GRXCR1: variants seen among roughly 807,000 people sequenced by gnomAD.
The protein encoded by GRXCR1 is glutaredoxin domain-containing cysteine-rich protein 1.
In GRXCR1, 27 loss-of-function variants were observed where a neutral mutation model predicts 27.3. The ratio of observed to expected loss-of-function variants is 0.99; its 90% CI spans 0.73 to 1.37. GRXCR1 has a LOEUF of 1.37. GRXCR1 is among the 40% of genes most tolerant of loss of function. GRXCR1 has a pLI of 0.00. For synonymous variants in GRXCR1, 122 were observed against 131.1 expected, an observed-to-expected ratio of 0.93 and a Z score of 0.47; for missense variants, 379 against 354.4, an observed-to-expected ratio of 1.07 and a Z score of -0.56.
At chr4:42,955,999 C>T (rs767783075) in intron 1 of GRXCR1, among the ~76,000 whole-genome samples, 6 of 152,020 alleles carry the variant, frequency 3.9e-5, no homozygotes, top group Non-Finnish European at 8.8e-5. Context: ...GGAAGCTCCA[C>T]AATTGTCCCA....
chr4:42,950,249 A>T (rs929006992), intron 1 of GRXCR1, among the ~76,000 whole-genome samples: 1 of 152,178 alleles, frequency 6.6e-6, no homozygotes, highest in Non-Finnish European at 1.5e-5. Flanking sequence ...CTCTGATGCC[A>T]TTGTTCAATA....
At chr4:42,925,859 T>C (rs1432462908) in intron 1 of GRXCR1, among the ~76,000 whole-genome samples, 1 of 151,978 alleles carries the variant, frequency 6.6e-6, no homozygotes, top group Non-Finnish European at 1.5e-5. Context: ...AGATCAGACA[T>C]AAGGCCGAGT....
intron 1 of GRXCR1, among the ~76,000 whole-genome samples, chr4:42,931,664 G>T (rs1052979036): frequency 6.6e-6 from 1 of 151,758 alleles, no homozygotes; most frequent in African/African-American, 2.4e-5. Flanking sequence ...CGTATACGTT[G>T]TGAAGTGGCT....
intron 3 of GRXCR1, among the ~76,000 whole-genome samples, chr4:43,023,228 C>A (rs1218541071): frequency 6.6e-6 from 1 of 152,132 alleles, no homozygotes; most frequent in African/African-American, 2.4e-5. Flanking sequence ...TAACACTAGA[C>A]ATATCCTGGC....
rs1263598203 is a variant in GRXCR1 at position 42,906,685 on chromosome 4, G to A, written c.384+13035G>A. Among the ~76,000 whole-genome samples, 6 of 152,262 alleles carry A rather than the reference G, an allele frequency of 3.9e-5. No homozygotes were observed. The East Asian group carries it at 1.2e-3, about 29-fold the overall frequency. ...TTTTTATTTTTGAACTATTTAAGAG[G>A]ATACTAGTAGTATTAGCAATACAAG... On this transcript the variant is annotated intron_variant, in intron 1 of 3. Transcript: ENST00000399770.
chr4:42,924,558 T>G (rs937102724), intron 1 of GRXCR1, among the ~76,000 whole-genome samples: 1 of 152,066 alleles, frequency 6.6e-6, no homozygotes, highest in Non-Finnish European at 1.5e-5. Flanking sequence ...AGTCACAATT[T>G]CCTTCTCTCC....
intron 2 of GRXCR1, among the ~76,000 whole-genome samples, chr4:42,977,922 C>A (rs1748562310): frequency 6.6e-6 from 1 of 151,908 alleles, no homozygotes; most frequent in Non-Finnish European, 1.5e-5. Flanking sequence ...CTGCTAGCAG[C>A]TTCATAGTTT....
At chr4:42,986,065 T>G (rs894961295) in intron 2 of GRXCR1, among the ~76,000 whole-genome samples, 1 of 152,224 alleles carries the variant, frequency 6.6e-6, no homozygotes, top group African/African-American at 2.4e-5. Flanking sequence ...GGCTTCCTTA[T>G]GCTCAGGTAG....
intron 1 of GRXCR1, among the ~76,000 whole-genome samples, chr4:42,961,444 G>A (rs1748127883): frequency 6.6e-6 from 1 of 151,896 alleles, no homozygotes; most frequent in Non-Finnish European, 1.5e-5. Context: ...TAAAAATCCA[G>A]ATTTTAAGTT....
At chr4:42,906,061 G>T (rs1364653575) in intron 1 of GRXCR1, among the ~76,000 whole-genome samples, 1 of 152,066 alleles carries the variant, frequency 6.6e-6, no homozygotes, top group African/African-American at 2.4e-5. Flanking sequence ...TGTCCTTGAG[G>T]ATTTTAATCT....
At chr4:42,950,841 A>T (rs1161410194) in intron 1 of GRXCR1, among the ~76,000 whole-genome samples, 1 of 152,166 alleles carries the variant, frequency 6.6e-6, no homozygotes, top group Non-Finnish European at 1.5e-5. Context: ...AAACAGAACC[A>T]ATATAGTATC....
chr4:42,990,400 C>A (rs1711932680), intron 2 of GRXCR1, among the ~76,000 whole-genome samples: 1 of 150,972 alleles, frequency 6.6e-6, no homozygotes, highest in South Asian at 2.1e-4. Context: ...ACCGTTTTAG[C>A]CGGGATGGTC....
intron 1 of GRXCR1, among the ~76,000 whole-genome samples, chr4:42,949,030 A>G (rs1257500174): frequency 1.3e-5 from 2 of 152,160 alleles, no homozygotes; most frequent in African/African-American, 2.4e-5. Context: ...GGCAATAGGA[A>G]ACCAATACAC....
At chr4:43,000,245 C>T (rs929952344) in intron 2 of GRXCR1, among the ~76,000 whole-genome samples, 6 of 151,824 alleles carry the variant, frequency 4.0e-5, no homozygotes, top group Non-Finnish European at 4.4e-5. Context: ...TTTGGGAGGC[C>T]GAGGCAGGTG....
Position 42,893,170 on chromosome 4 carries a change from A to AC in GRXCR1, c.-96dup. On this transcript the variant is annotated 5_prime_UTR_variant, in exon 1 of 4. It removes the in-frame stop codon of an upstream open reading frame in the 5' UTR. Coordinates refer to ENST00000399770, the MANE Select transcript of GRXCR1 (RefSeq NM_001080476.3). Reference sequence around the variant, plus strand: ...TTAGTTTCACAGGAGTGCTGCCATCACTAGAATTGGCTCTGATATTGCTAT... The same window carrying AC: ...TTAGTTTCACAGGAGTGCTGCCATCACCTAGAATTGGCTCTGATATTGCTAT... 1 of 1,323,422 alleles carries AC rather than the reference A, an allele frequency of 7.6e-7. No individual in the cohort carries two copies. The highest frequency in any genetic ancestry group is 1.1e-6 in the Non-Finnish European group (1 of 917,598). 82.0% of individuals were successfully genotyped at this position (1,323,422 alleles called of 1,614,324 possible). A position where few individuals can be genotyped will look rare whatever the true frequency, so the allele number is the denominator to read the frequency against.
At chr4:42,944,057 G>C (rs1404945339) in intron 1 of GRXCR1, among the ~76,000 whole-genome samples, 4 of 152,000 alleles carry the variant, frequency 2.6e-5, no homozygotes, top group Non-Finnish European at 5.9e-5. Context: ...AACACGTTTG[G>C]CAATAGGAAG....
chr4:42,944,161 G>T (rs1416620103), intron 1 of GRXCR1, among the ~76,000 whole-genome samples: 1 of 152,066 alleles, frequency 6.6e-6, no homozygotes, highest in Non-Finnish European at 1.5e-5. Flanking sequence ...CTGATGACTA[G>T]AGAAGACTGG....
chr4:42,943,319 T>A (rs1421065899), intron 1 of GRXCR1, among the ~76,000 whole-genome samples: 1 of 152,120 alleles, frequency 6.6e-6, no homozygotes, highest in Non-Finnish European at 1.5e-5. Flanking sequence ...ATACTGAAAG[T>A]GAAGCCTTGA....
chr4:43,018,913 G>A (rs574061882), intron 2 of GRXCR1, among the ~76,000 whole-genome samples: 1 of 152,258 alleles, frequency 6.6e-6, no homozygotes, highest in East Asian at 1.9e-4. Context: ...AATAAATGAA[G>A]AGATATAACT....
Sources: allele counts gnomAD v4.1 joint callset (sites outside exome capture counted in the v4.1 genomes callset), GRCh38; gene constraint gnomAD v4.1.1; transcripts MANE v1.5; gene names NCBI Gene and HGNC (gene_info 2026-07-23, HGNC 2026-07-21).